RICTOR: variants seen among roughly 807,000 people sequenced by gnomAD.
RICTOR encodes rapamycin-insensitive companion of mTOR.
Under a neutral mutation model 214.9 loss-of-function variants are expected in RICTOR, and 49 were observed. The observed-to-expected ratio is 0.23, with a 90% confidence interval of 0.18 to 0.29. RICTOR has a LOEUF of 0.29. Ranked by LOEUF, RICTOR falls within the 10% of genes least tolerant of loss-of-function variation. The probability of loss-of-function intolerance (pLI) is 1.00; values close to 1 mark genes in which losing one functional copy is unlikely to be tolerated. For missense variants in RICTOR, 1,625 were observed against 2,047.0 expected (o/e 0.79, Z 3.98); for synonymous variants, 717 against 711.3 (o/e 1.01, Z -0.13).
intron 2 of RICTOR, among the ~76,000 whole-genome samples, chr5:39,027,710 C>T (rs1755941874): frequency 6.6e-6 from 1 of 152,138 alleles, no homozygotes; most frequent in Admixed American, 6.5e-5. Context: ...ATTACTAACA[C>T]TTCCATCCCG....
At position 38,957,662 on chromosome 5, in the gene RICTOR, T is replaced by C. The variant is rs143247330; in HGVS notation, c.2489A>G (p.Lys830Arg). The change falls in exon 25 of 38, where the codon AAG (lysine) becomes AGG (arginine). Residue 830 changes from lysine (K) to arginine (R), a missense_variant. Transcript: ENST00000357387. ...ERGYVAKQLE[K>R]WHREYNSKYV... ...CAAATAAGAAGTTACCCTGTGCCAC[T>C]TTTCCAATTGTTTTGCTACATAACC... 7 of 1,556,998 alleles carry C rather than the reference T, an allele frequency of 4.5e-6. No homozygotes were observed. The highest frequency in any genetic ancestry group is 6.2e-6 in the Non-Finnish European group (7 of 1,136,308).
At chr5:39,069,751 C>T (rs1759173307) in intron 2 of RICTOR, among the ~76,000 whole-genome samples, 2 of 152,180 alleles carry the variant, frequency 1.3e-5, no homozygotes, top group South Asian at 4.1e-4. Context: ...ATATCAGCAG[C>T]ACCCTAGGCA....
intron 27 of RICTOR, 144 bp downstream of exon 27, chr5:38,954,630 C>T: frequency 1.7e-6 from 1 of 581,190 alleles, no homozygotes. Context: ...AAGTCAATTA[C>T]AAAATAGATG....
chr5:38,990,677 GATATATCATAT>G (rs1752609135), intron 7 of RICTOR, among the ~76,000 whole-genome samples: 2 of 4,942 alleles, frequency 4.0e-4, no homozygotes, highest in Non-Finnish European at 1.9e-3. Flanking sequence ...ATATATATCA[GATATATCATAT>G]ATATGATATA....
At chr5:39,027,083 G>T (rs1755887454) in intron 2 of RICTOR, among the ~76,000 whole-genome samples, 1 of 152,148 alleles carries the variant, frequency 6.6e-6, no homozygotes. Context: ...AATGCAGATT[G>T]AGAGAGAAAC....
chr5:39,043,569 G>A (rs529827292), intron 2 of RICTOR, among the ~76,000 whole-genome samples: 44 of 152,126 alleles, frequency 2.9e-4, no homozygotes, highest in Admixed American at 3.9e-4. Flanking sequence ...ATGATTAACA[G>A]TACTGTATTG....
intron 2 of RICTOR, among the ~76,000 whole-genome samples, chr5:39,055,643 A>G (rs1314720803): frequency 6.6e-6 from 1 of 152,200 alleles, no homozygotes; most frequent in Non-Finnish European, 1.5e-5. Flanking sequence ...ACAGAGAGGC[A>G]GACATGTGAA....
rs1439171842 is a variant in RICTOR at position 38,941,160 on chromosome 5, T to G, written c.*1144A>C. On this transcript the variant is annotated 3_prime_UTR_variant, in exon 38 of 38. Transcript: ENST00000357387. ...AAAACCTTGCCCTCATCAACTTAAC[T>G]TCACAAATGGATAAAGGCAATTAAT... 2 of 232,808 alleles carry G rather than the reference T, an allele frequency of 8.6e-6. No individual in the cohort carries two copies. The highest frequency in any genetic ancestry group is 2.2e-5 in the African/African-American group (1 of 45,308). The allele number at this position is 232,808 out of a possible 1,614,324, so 14.4% of individuals were successfully genotyped here.
Position 38,959,946 on chromosome 5 carries a change from C to T in RICTOR, c.1884G>A (p.Lys628=). ...AAGCATTGAGCCACTGAACAATATCCTTTACTAGATCTTCTAAGTAGCCTT... is the reference window on the plus strand; with the variant it reads ...AAGCATTGAGCCACTGAACAATATCTTTTACTAGATCTTCTAAGTAGCCTT... ...DGQGYLEDLV[K]DIVQWLNASS... The change falls in exon 21 of 38, where the codon AAG becomes AAA. Residue 628 remains lysine (K), a synonymous_variant. Transcript: ENST00000357387. 1 of 1,612,310 alleles carries T rather than the reference C, an allele frequency of 6.2e-7. No homozygotes were observed. Among genetic ancestry groups the T allele is most frequent in the Non-Finnish European group, 8.5e-7 (1 of 1,178,630 alleles).
chr5:39,069,904 C>A (rs534402420), intron 2 of RICTOR, among the ~76,000 whole-genome samples: 1 of 152,188 alleles, frequency 6.6e-6, no homozygotes, highest in Admixed American at 6.5e-5. Context: ...ACCCACCAGA[C>A]AGTTAATCAT....
At chr5:38,981,662 C>G (rs1325683608) in intron 8 of RICTOR, 2 of 416,384 alleles carry the variant, frequency 4.8e-6, no homozygotes, top group Non-Finnish European at 8.4e-6. Context: ...AAAATTTACA[C>G]ATTGATGAAA....
At chr5:39,011,300 C>A (rs1754497762) in intron 3 of RICTOR, among the ~76,000 whole-genome samples, 2 of 152,166 alleles carry the variant, frequency 1.3e-5, no homozygotes, top group South Asian at 4.1e-4. Context: ...TTGGGAACCT[C>A]CATCTAGATT....
chr5:39,048,000 T>G (rs1757607230), intron 2 of RICTOR, among the ~76,000 whole-genome samples: 1 of 152,166 alleles, frequency 6.6e-6, no homozygotes, highest in South Asian at 2.1e-4. Flanking sequence ...CACAAAGAAT[T>G]TAACCACAAC....
chr5:38,983,117 A>G (rs1751859960), intron 7 of RICTOR, among the ~76,000 whole-genome samples: 2 of 152,156 alleles, frequency 1.3e-5, no homozygotes, highest in Non-Finnish European at 2.9e-5. Context: ...GTCCTCCTCC[A>G]TTGCACAGGC....
intron 16 of RICTOR, among the ~76,000 whole-genome samples, chr5:38,964,502 A>T (rs1484287023): frequency 6.6e-6 from 1 of 151,890 alleles, no homozygotes; most frequent in Non-Finnish European, 1.5e-5. Context: ...CATGACATAA[A>T]GGAGTCCAAA....
intron 11 of RICTOR, 34 bp downstream of exon 11, chr5:38,971,843 C>T: frequency 1.2e-6 from 1 of 864,600 alleles, no homozygotes; most frequent in East Asian, 2.4e-5. Context: ...GTTAAAGGTC[C>T]AGGAATGAAA....
chr5:38,977,538 T>C (rs560122405), intron 9 of RICTOR, among the ~76,000 whole-genome samples: 1 of 151,722 alleles, frequency 6.6e-6, no homozygotes, highest in Non-Finnish European at 1.5e-5. Flanking sequence ...GATCATGGTA[T>C]GTTAGGGTGA....
Position 38,952,544 on chromosome 5 carries a change from G to A in RICTOR, c.2898-119C>T, listed in dbSNP as rs879195645. On this transcript the variant is annotated intron_variant, in intron 29 of 37. Coordinates refer to ENST00000357387, the MANE Select transcript of RICTOR (RefSeq NM_152756.5). ...TTCTCTAAAACCCACCAAAATGGTT[G>A]CGTTTGTGGAAAAAAAAAAACTTAT... 8 of 504,592 alleles carry A rather than the reference G, an allele frequency of 1.6e-5. No homozygotes were observed. In the South Asian group the frequency reaches 2.5e-4, roughly 15 times the overall value. The allele number at this position is 504,592 out of a possible 1,614,324, so 31.3% of individuals were successfully genotyped here. A position where few individuals can be genotyped will look rare whatever the true frequency, so the allele number is the denominator to read the frequency against.
At chr5:39,015,060 AT>A (rs941541193) in intron 3 of RICTOR, among the ~76,000 whole-genome samples, 1 of 152,134 alleles carries the variant, frequency 6.6e-6, no homozygotes, top group Non-Finnish European at 1.5e-5. Context: ...AATACTACGT[AT>A]TTTTTTGTGT....
Sources: gnomAD v4.1 joint callset for allele counts (sites outside exome capture counted in the v4.1 genomes callset) on GRCh38, gnomAD v4.1.1 for gene constraint, MANE v1.5 for transcripts, NCBI Gene and HGNC (gene_info 2026-07-23, HGNC 2026-07-21) for gene names.